Variants in SFMBT1 observed in about 807,000 individuals in gnomAD.
The protein encoded by SFMBT1 is scm-like with four MBT domains protein 1.
Under a neutral mutation model 108.7 loss-of-function variants are expected in SFMBT1, and 32 were observed. The observed-to-expected ratio is 0.29, with a 90% CI of 0.22 to 0.40. The LOEUF is 0.40. Ranked by LOEUF, SFMBT1 falls within the 10% of genes least tolerant of loss-of-function variation. SFMBT1 has a pLI of 1.00. For synonymous variants in SFMBT1, 348 were observed against 369.5 expected (o/e 0.94, Z 0.67); for missense variants, 816 against 1,059.6 (o/e 0.77, Z 3.19).
intron 1 of SFMBT1, among the ~76,000 whole-genome samples, chr3:53,010,783 T>C (rs544672534): frequency 9.8e-5 from 15 of 152,314 alleles, no homozygotes; most frequent in South Asian, 4.1e-4. Flanking sequence ...AGCTTCTCCA[T>C]TGAATTTTAA....
At chr3:52,915,409 A>C (rs1390357159) in intron 14 of SFMBT1, among the ~76,000 whole-genome samples, 1 of 152,228 alleles carries the variant, frequency 6.6e-6, no homozygotes, top group Non-Finnish European at 1.5e-5. Context: ...ATGTAATGAA[A>C]AGGCAGTAGG....
At chr3:53,007,382 T>C (rs906296179) in intron 1 of SFMBT1, among the ~76,000 whole-genome samples, 5 of 152,188 alleles carry the variant, frequency 3.3e-5, no homozygotes, top group African/African-American at 4.8e-5. Context: ...CAAAAAAAGG[T>C]CAATATTTGC....
chr3:52,913,194 T>G (rs1702257245), intron 15 of SFMBT1, among the ~76,000 whole-genome samples: 1 of 152,160 alleles, frequency 6.6e-6, no homozygotes, highest in Non-Finnish European at 1.5e-5. Flanking sequence ...AGTCATAGAG[T>G]AACCTCACAG....
intron 1 of SFMBT1, among the ~76,000 whole-genome samples, chr3:53,022,492 T>C (rs1403160491): frequency 6.6e-6 from 1 of 150,498 alleles, no homozygotes; most frequent in East Asian, 1.9e-4. Flanking sequence ...AGACCCTGTT[T>C]CTATAAAAAA....
intron 1 of SFMBT1, among the ~76,000 whole-genome samples, chr3:53,042,167 G>A (rs922285688): frequency 6.6e-6 from 1 of 152,042 alleles, no homozygotes; most frequent in African/African-American, 2.4e-5. Flanking sequence ...ATAACATGAC[G>A]CCAAAATAAA....
At chr3:53,000,048 G>A (rs534274069) in intron 1 of SFMBT1, among the ~76,000 whole-genome samples, 1 of 149,638 alleles carries the variant, frequency 6.7e-6, no homozygotes, top group Non-Finnish European at 1.5e-5. Flanking sequence ...ATTTTTAGTA[G>A]AGACAGGGTT....
intron 1 of SFMBT1, among the ~76,000 whole-genome samples, chr3:53,027,966 G>A (rs990323569): frequency 2.0e-5 from 3 of 152,214 alleles, no homozygotes; most frequent in African/African-American, 7.2e-5. Flanking sequence ...GGAACAGTAG[G>A]CATAAATGGG....
At chr3:52,910,550 G>A (rs529851735) in intron 17 of SFMBT1, among the ~76,000 whole-genome samples, 18 of 152,044 alleles carry the variant, frequency 1.2e-4, no homozygotes, top group Admixed American at 1.1e-3. Context: ...GTGCAGTGGC[G>A]CAATCTCAGC....
chr3:53,016,026 ACAG>A (rs1354993891), intron 1 of SFMBT1, among the ~76,000 whole-genome samples: 1 of 152,192 alleles, frequency 6.6e-6, no homozygotes, highest in East Asian at 1.9e-4. Context: ...TTCATCAAGA[ACAG>A]TATACTATGG....
chr3:52,972,394 T>C (rs1704375281), intron 1 of SFMBT1, among the ~76,000 whole-genome samples: 1 of 152,210 alleles, frequency 6.6e-6, no homozygotes, highest in South Asian at 2.1e-4. Context: ...TGAAGTCTTC[T>C]GCTGTGGAAC....
intron 1 of SFMBT1, among the ~76,000 whole-genome samples, chr3:52,994,203 A>G (rs1698236571): frequency 6.6e-6 from 1 of 150,580 alleles, no homozygotes. Context: ...ATTTGTAACT[A>G]AAGAGATCAC....
At chr3:52,967,644 T>C (rs1352769549) in intron 2 of SFMBT1, among the ~76,000 whole-genome samples, 2 of 152,130 alleles carry the variant, frequency 1.3e-5, no homozygotes, top group East Asian at 1.9e-4. Context: ...AATAAACCAA[T>C]TGATAATGAG....
rs58701603 is a variant in SFMBT1 at position 52,943,273 on chromosome 3, T to C, written c.364+80A>G. The C allele has an allele frequency of 2.1e-3, 3,279 of 1,577,596 alleles. 52 individuals carry two copies. In the African/African-American group the frequency reaches 0.035, roughly 17 times the overall value. The stretch of plus-strand genomic sequence containing the variant: ...GGGTAAACCTATATGCTCGAGAGAC[T>C]TAAAACCTCAAGACTGTGGACAATC... On this transcript the variant is annotated intron_variant, in intron 4 of 20. Coordinates refer to ENST00000394752, the MANE Select transcript of SFMBT1 (RefSeq NM_016329.4).
At chr3:52,910,679 G>C (rs1702193438) in intron 17 of SFMBT1, among the ~76,000 whole-genome samples, 1 of 152,064 alleles carries the variant, frequency 6.6e-6, no homozygotes, top group Non-Finnish European at 1.5e-5. Context: ...AGTAGAGACG[G>C]GGTTTCACCA....
At chr3:53,023,627 C>T (rs184285794) in intron 1 of SFMBT1, among the ~76,000 whole-genome samples, 40 of 152,324 alleles carry the variant, frequency 2.6e-4, no homozygotes, top group Non-Finnish European at 1.8e-4. Context: ...CCAAACCCCC[C>T]GTCAGCTGTG....
At chr3:52,933,683 A>G (rs1218350784) in intron 5 of SFMBT1, among the ~76,000 whole-genome samples, 1 of 152,218 alleles carries the variant, frequency 6.6e-6, no homozygotes, top group Admixed American at 6.5e-5. Flanking sequence ...TAAATGAGTC[A>G]GAGTATAAAA....
At chr3:52,975,136 A>C (rs1329053991) in intron 1 of SFMBT1, among the ~76,000 whole-genome samples, 1 of 152,208 alleles carries the variant, frequency 6.6e-6, no homozygotes, top group African/African-American at 2.4e-5. Context: ...AACAAAACCC[A>C]AACTCAAGAA....
intron 6 of SFMBT1, 121 bp downstream of exon 6, chr3:52,931,937 AATAG>A: frequency 9.1e-7 from 1 of 1,096,878 alleles, no homozygotes. Flanking sequence ...ACTGTTTTGT[AATAG>A]CTCTATTATG....
chr3:52,953,911 C>G (rs943367063), intron 3 of SFMBT1, among the ~76,000 whole-genome samples: 1 of 151,982 alleles, frequency 6.6e-6, no homozygotes, highest in African/African-American at 2.4e-5. Context: ...GGGAGGATCA[C>G]GCGGTCAGGA....
Sources: gnomAD v4.1 joint callset for allele counts (sites outside exome capture counted in the v4.1 genomes callset) on GRCh38, gnomAD v4.1.1 for gene constraint, MANE v1.5 for transcripts, NCBI Gene and HGNC (gene_info 2026-07-23, HGNC 2026-07-21) for gene names.